Variants in ZUP1 observed in about 807,000 individuals in gnomAD.
ZUP1 encodes zinc finger containing ubiquitin peptidase 1.
Under a neutral mutation model 68.1 loss-of-function variants are expected in ZUP1, and 55 were observed. The ratio of observed to expected loss-of-function variants is 0.81; its 90% confidence interval spans 0.65 to 1.01. The LOEUF (loss-of-function observed/expected upper bound fraction) is 1.01, where lower values mean the gene tolerates loss of function less well. Ranked by LOEUF, ZUP1 falls within the 50% of genes least tolerant of loss-of-function variation. ZUP1 has a pLI of 0.00. For missense variants in ZUP1, 684 were observed against 674.9 expected, an observed-to-expected ratio of 1.01 and a Z score of -0.15; for synonymous variants, 223 against 221.5, an observed-to-expected ratio of 1.01 and a Z score of -0.06.
intron 4 of ZUP1, among the ~76,000 whole-genome samples, chr6:116,657,267 T>C (rs947197685): frequency 1.5e-4 from 23 of 152,194 alleles, no homozygotes; most frequent in African/African-American, 5.3e-4. Flanking sequence ...TAGTCAGTCA[T>C]GTTACACAGT....
intron 5 of ZUP1, among the ~76,000 whole-genome samples, chr6:116,652,977 A>G (rs1327849172): frequency 6.6e-6 from 1 of 152,060 alleles, no homozygotes; most frequent in African/African-American, 2.4e-5. Context: ...ATAGAGTTTT[A>G]TTAAATTTTC....
At chr6:116,642,381 C>G (rs931212908) in intron 9 of ZUP1, among the ~76,000 whole-genome samples, 9 of 151,686 alleles carry the variant, frequency 5.9e-5, no homozygotes, top group African/African-American at 2.2e-4. Flanking sequence ...GAGACACAAC[C>G]AAAAAAGAGA....
At chr6:116,646,774 C>T (rs1230550075) in intron 8 of ZUP1, among the ~76,000 whole-genome samples, 2 of 152,158 alleles carry the variant, frequency 1.3e-5, no homozygotes, top group African/African-American at 4.8e-5. Context: ...CAGGGTCTCA[C>T]TATGTCACTC....
chr6:116,667,321 T>A (rs1777043548), intron 1 of ZUP1, 114 bp from the exon 2 acceptor site: 1 of 552,204 alleles, frequency 1.8e-6, no homozygotes, highest in East Asian at 3.3e-5. Context: ...TGAAGAAGTT[T>A]TCAATGTACT....
chr6:116,665,855 T>A (rs1395155324), intron 2 of ZUP1, among the ~76,000 whole-genome samples: 3 of 151,600 alleles, frequency 2.0e-5, no homozygotes. Flanking sequence ...ACTCTCAACT[T>A]GCTGGGATTA....
chr6:116,662,042 G>T (rs1310657892), intron 2 of ZUP1, among the ~76,000 whole-genome samples: 1 of 152,092 alleles, frequency 6.6e-6, no homozygotes, highest in East Asian at 1.9e-4. Flanking sequence ...AAAATAGAAA[G>T]ATGAAGAAAA....
intron 7 of ZUP1, among the ~76,000 whole-genome samples, chr6:116,650,416 C>A (rs1776450623): frequency 9.0e-6 from 1 of 110,790 alleles, no homozygotes; most frequent in Admixed American, 1.1e-4. Flanking sequence ...AGCAAAAACT[C>A]CGTCTCAAAA....
intron 7 of ZUP1, among the ~76,000 whole-genome samples, 168 bp downstream of exon 7, chr6:116,651,404 G>A (rs960553260): frequency 6.6e-6 from 1 of 152,156 alleles, no homozygotes; most frequent in African/African-American, 2.4e-5. Context: ...CAGAACTTGA[G>A]GGTAGAGAAG....
In ZUP1 at chr6:116,667,198, T is replaced by C. The variant is rs1241189403; in HGVS notation, c.-6A>G. 2 of 1,540,306 alleles carry C rather than the reference T, an allele frequency of 1.3e-6. No individual in the cohort carries two copies. The highest frequency in any genetic ancestry group is 4.2e-5 in the Admixed American group (2 of 47,072). On this transcript the variant is annotated 5_prime_UTR_variant, in exon 2 of 10. Coordinates refer to ENST00000368576, the MANE Select transcript of ZUP1 (RefSeq NM_145062.3). ...CAAATATTACAGGAAAGCATGGTATTGACAAGTAGCTAGAAAAGAACATAA... is the reference window on the plus strand; with the variant it reads ...CAAATATTACAGGAAAGCATGGTATCGACAAGTAGCTAGAAAAGAACATAA...
chr6:116,659,400 G>A (rs1776768508), intron 3 of ZUP1, among the ~76,000 whole-genome samples: 1 of 152,186 alleles, frequency 6.6e-6, no homozygotes, highest in African/African-American at 2.4e-5. Context: ...AAAGTGCTGA[G>A]ATTACAGGCG....
At chr6:116,664,055 G>C (rs191477229) in intron 2 of ZUP1, among the ~76,000 whole-genome samples, 1 of 152,140 alleles carries the variant, frequency 6.6e-6, no homozygotes, top group Non-Finnish European at 1.5e-5. Flanking sequence ...TTTCTTAGAT[G>C]AGAGGGAAAA....
At chr6:116,636,648 A>C (rs983022762) in intron 9 of ZUP1, among the ~76,000 whole-genome samples, 5 of 152,160 alleles carry the variant, frequency 3.3e-5, no homozygotes, top group Non-Finnish European at 5.9e-5. Context: ...GATTAAAAAA[A>C]ATTTTTGAAA....
In ZUP1 at chr6:116,645,853, G is replaced by A. The variant is rs760964404; in HGVS notation, c.1550C>T (p.Ser517Phe). 3 of 1,613,872 alleles carry A rather than the reference G, an allele frequency of 1.9e-6. No homozygotes were observed. The highest frequency in any genetic ancestry group is 1.1e-5 in the South Asian group (1 of 91,072). ...CTTTAATAATTTCTGCATTTCTCGA[G>A]AAGGACATCCAGGATCAAGTATTAG... ...CLLILDPGCP[S>F]REMQKLLKQD... Residue 517 changes from serine to phenylalanine, a missense_variant, in exon 9 of 10, where the codon TCT becomes TTT. Physicochemically the swap from Ser to Phe is radical, Grantham distance 155. Coordinates refer to ENST00000368576, the MANE Select transcript of ZUP1 (RefSeq NM_145062.3).
intron 9 of ZUP1, among the ~76,000 whole-genome samples, chr6:116,637,691 T>C (rs1482660817): frequency 6.6e-6 from 1 of 152,222 alleles, no homozygotes; most frequent in African/African-American, 2.4e-5. Context: ...ATGTGTACAC[T>C]GGTGAGCAAG....
chr6:116,647,450 A>G lies in ZUP1; in HGVS notation c.1468+9T>C. 1.3e-6 allele frequency: 2 copies of G among 1,535,076 alleles called. No homozygotes were observed. Among genetic ancestry groups the G allele is most frequent in the Non-Finnish European group, 1.8e-6 (2 of 1,131,890 alleles). On this transcript the variant is annotated intron_variant, in intron 8 of 9. Coordinates refer to ENST00000368576, the MANE Select transcript of ZUP1 (RefSeq NM_145062.3). ...AACATTGTCAAATATGAGTTATATTAATACTAACCTTGATGCTGAAGATAG... is the reference window on the plus strand; with the variant it reads ...AACATTGTCAAATATGAGTTATATTGATACTAACCTTGATGCTGAAGATAG...
chr6:116,639,972 C>T (rs867126609), intron 9 of ZUP1, among the ~76,000 whole-genome samples: 96 of 152,210 alleles, frequency 6.3e-4, no homozygotes, highest in South Asian at 1.5e-3. Flanking sequence ...ACTAGAATAA[C>T]CAATACAGAG....
chr6:116,643,495 G>T (rs1776188783), intron 9 of ZUP1, among the ~76,000 whole-genome samples: 1 of 152,140 alleles, frequency 6.6e-6, no homozygotes, highest in Non-Finnish European at 1.5e-5. Context: ...CAGAGATATA[G>T]ATCAATGGAA....
intron 9 of ZUP1, among the ~76,000 whole-genome samples, chr6:116,638,024 C>G (rs1465500715): frequency 6.7e-6 from 1 of 149,964 alleles, no homozygotes; most frequent in African/African-American, 2.5e-5. Flanking sequence ...TGGGGTCAAG[C>G]CACTGCACTC....
At chr6:116,639,437 C>T (rs1034308215) in intron 9 of ZUP1, among the ~76,000 whole-genome samples, 1 of 152,238 alleles carries the variant, frequency 6.6e-6, no homozygotes, top group African/African-American at 2.4e-5. Context: ...GGGAGGCATC[C>T]CCCAGTAGGG....
Sources: allele counts gnomAD v4.1 joint callset (sites outside exome capture counted in the v4.1 genomes callset), GRCh38; gene constraint gnomAD v4.1.1; transcripts MANE v1.5; gene names NCBI Gene and HGNC (gene_info 2026-07-23, HGNC 2026-07-21).